The following TACC2 variants were observed in gnomAD, a reference collection of about 807,000 sequenced individuals.
The protein encoded by TACC2 is transforming acidic coiled-coil containing protein 2, also known as transforming acidic coiled-coil-containing protein 2.
In TACC2, 137 loss-of-function variants were observed where a neutral mutation model predicts 227.3. The observed-to-expected ratio is 0.60, with a 90% CI of 0.52 to 0.69. The LOEUF (loss-of-function observed/expected upper bound fraction) is 0.69. Among genes scored for constraint, TACC2 ranks in the 30% least tolerant of loss-of-function variants. TACC2 has a pLI of 0.00. For synonymous variants in TACC2, 1,523 were observed against 1,487.5 expected (o/e 1.02, Z -0.55); for missense variants, 3,470 against 3,694.4 (o/e 0.94, Z 1.57).
chr10:122,171,620 C>T (rs895612947), intron 7 of TACC2, among the ~76,000 whole-genome samples: 7 of 152,186 alleles, frequency 4.6e-5, no homozygotes, highest in East Asian at 3.8e-4. Flanking sequence ...TAGGCCTTTC[C>T]GGCTAGTCAT....
At chr10:122,114,318 C>T (rs533741396) in intron 5 of TACC2, among the ~76,000 whole-genome samples, 272 of 152,294 alleles carry the variant, frequency 1.8e-3, no homozygotes, top group African/African-American at 6.4e-3. Context: ...CTGGAAATGA[C>T]TTTTTTTCCG....
chr10:122,060,986 C>G (rs1228195131), intron 3 of TACC2, among the ~76,000 whole-genome samples: 1 of 108,690 alleles, frequency 9.2e-6, no homozygotes, highest in Non-Finnish European at 1.7e-5. Flanking sequence ...GCCTGGGCAA[C>G]AGAGACTCCA....
chr10:121,992,965 A>G (rs1203682373), intron 1 of TACC2, among the ~76,000 whole-genome samples: 4 of 152,102 alleles, frequency 2.6e-5, no homozygotes, highest in Admixed American at 6.6e-5. Flanking sequence ...AAAAAAAAAA[A>G]AAAGAAAGAA....
chr10:122,172,407 G>A lies in TACC2; in HGVS notation c.5835-22633G>A, dbSNP rs114462195. On this transcript the variant is annotated intron_variant, in intron 7 of 22. Transcript: ENST00000369005. ...ACCACCCTTCCTGGGGCTCAGATCT[G>A]GGTCTCTGTACTTGAGAAGCAGCCC... is the stretch of plus-strand genomic sequence containing the variant. Among the ~76,000 whole-genome samples the A allele has an allele frequency of 1.8e-3, 274 of 152,210 alleles. 1 individual carries two copies. Among genetic ancestry groups the A allele is most frequent in the African/African-American group, 6.0e-3 (250 of 41,536 alleles).
At chr10:122,207,630 GA>G (rs763136760) in intron 8 of TACC2, among the ~76,000 whole-genome samples, 1 of 152,208 alleles carries the variant, frequency 6.6e-6, no homozygotes, top group Non-Finnish European at 1.5e-5. Flanking sequence ...CCAAGGATAA[GA>G]AACCCTGCAG....
Position 122,087,977 on chromosome 10 carries a change from T to G in TACC2, c.5459+18T>G. On this transcript the variant is annotated intron_variant, in intron 4 of 22. Coordinates refer to ENST00000369005, the MANE Select transcript of TACC2 (RefSeq NM_206862.4). ...ACTGACAGGTACTTAAATGAAAAAA[T>G]TCCCACGGGAATGTGTGGTCAGTTT... 6.7e-7 allele frequency: 1 copy of G among 1,492,730 alleles called. No homozygotes were observed. The highest frequency in any genetic ancestry group is 8.9e-7 in the Non-Finnish European group (1 of 1,122,202). 92.5% of individuals were successfully genotyped at this position (1,492,730 alleles called of 1,614,324 possible). A position where few individuals can be genotyped will look rare whatever the true frequency, so the allele number is the denominator to read the frequency against.
intron 1 of TACC2, among the ~76,000 whole-genome samples, chr10:122,008,264 A>ATTATTATTATTATTTTTTTT: frequency 7.4e-6 from 1 of 134,654 alleles, no homozygotes; most frequent in African/African-American, 2.8e-5. Context: ...TATTATTATT[A>ATTATTATTATTATTTTTTTT]TTTTTTTTTT....
intron 7 of TACC2, among the ~76,000 whole-genome samples, chr10:122,169,648 T>C (rs35005303): frequency 3.8e-4 from 58 of 152,314 alleles, no homozygotes; most frequent in Non-Finnish European, 7.1e-4. Context: ...GCAATCTTTG[T>C]TTTCTGTTCT....
chr10:122,213,838 T>G (rs1251944466), intron 9 of TACC2, among the ~76,000 whole-genome samples: 1 of 152,244 alleles, frequency 6.6e-6, no homozygotes, highest in Non-Finnish European at 1.5e-5. Flanking sequence ...CAGAAATATT[T>G]GGGCCGTTCC....
intron 5 of TACC2, among the ~76,000 whole-genome samples, chr10:122,117,837 ACAAGAGAC>A (rs2084984134): frequency 6.6e-6 from 1 of 152,102 alleles, no homozygotes; most frequent in African/African-American, 2.4e-5. Context: ...TTCTAAATTG[ACAAGAGAC>A]AGTAAGCAGC....
intron 22 of TACC2, 101 bp downstream of exon 22, chr10:122,249,765 C>T (rs1473236221): frequency 3.6e-6 from 5 of 1,380,966 alleles, no homozygotes; most frequent in Non-Finnish European, 3.9e-6. Flanking sequence ...GCCACTGCTG[C>T]TCCTGAAGAC....
At chr10:122,200,378 CCA>C (rs1188496711) in intron 8 of TACC2, among the ~76,000 whole-genome samples, 1 of 152,146 alleles carries the variant, frequency 6.6e-6, no homozygotes, top group Non-Finnish European at 1.5e-5. Flanking sequence ...CCCACAGTGG[CCA>C]CATCTACAGT....
At position 122,237,437 on chromosome 10, in the gene TACC2, G is replaced by A. The variant is rs777816912; in HGVS notation, c.8170G>A (p.Ala2724Thr). The A allele has an allele frequency of 1.9e-6, 3 of 1,613,912 alleles. No individual in the cohort carries two copies. Among genetic ancestry groups the A allele is most frequent in the Admixed American group, 3.3e-5 (2 of 60,012 alleles). ...AACAGACGTCTCCATCTCCAAAACA[G>A]CCTTGTACTCCCGCATCGGGACCGC... ...HPTDVSISKT[A>T]LYSRIGTAEV... is the part of the protein sequence containing the mutation. Residue 2724 changes from alanine (A) to threonine (T), a missense_variant, in exon 17 of 23, where the codon GCC becomes ACC. This residue lies in a region of TACC2 where 345 missense variants were observed against 354.4 expected (regional missense o/e 0.97). Coordinates refer to ENST00000369005, the MANE Select transcript of TACC2 (RefSeq NM_206862.4).
In TACC2 at chr10:122,085,151, A is replaced by T. The variant is rs1037615068; in HGVS notation, c.2651A>T (p.Asp884Val). 1 of 1,614,180 alleles carries T rather than the reference A, an allele frequency of 6.2e-7. No homozygotes were observed. The highest frequency in any genetic ancestry group is 1.7e-5 in the Admixed American group (1 of 60,030). The change falls in exon 4 of 23, where the codon GAT becomes GTT. Residue 884 changes from aspartate (D) to valine (V), a missense_variant. Physicochemically the swap from Asp to Val is radical, Grantham distance 152. Around this residue, in one of 10 missense-constraint regions of TACC2, gnomAD observed 1,924 missense variants for 1,978.3 expected, o/e 0.97. Transcript: ENST00000369005. ...CATGTACCTGTGGAACCTCAGGAAG[A>T]TAACAACTTGCCCACTCATGGAGGA... ...QIHVPVEPQE[D>V]NNLPTHGGQE... is the part of the protein sequence containing the mutation.
intron 7 of TACC2, among the ~76,000 whole-genome samples, chr10:122,166,236 C>T (rs1050921179): frequency 1.3e-5 from 2 of 152,050 alleles, no homozygotes; most frequent in Non-Finnish European, 1.5e-5. Context: ...TTAAGGAGGG[C>T]CATGGTGTAA....
intron 5 of TACC2, chr10:122,113,264 G>A (rs1469805669): frequency 1.3e-5 from 2 of 152,330 alleles, no homozygotes; most frequent in South Asian, 4.1e-4. Flanking sequence ...CGGGCGGCCG[G>A]GGTCAGAAGA....
chr10:122,246,929 A>T (rs1400892240), intron 19 of TACC2: 3 of 152,248 alleles, frequency 2.0e-5, no homozygotes, highest in Non-Finnish European at 4.4e-5. Context: ...CATTTCCAGT[A>T]CCTCTGGGGA....
At position 122,085,859 on chromosome 10, in the gene TACC2, C is replaced by T; in HGVS notation, c.3359C>T (p.Ala1120Val). Residue 1120 changes from alanine to valine, a missense_variant, in exon 4 of 23, where the codon GCT becomes GTT. Physicochemically the swap from Ala to Val is moderately conservative, Grantham distance 64. Around this residue, in one of 10 missense-constraint regions of TACC2, gnomAD observed 1,924 missense variants for 1,978.3 expected, o/e 0.97. Transcript: ENST00000369005. ...SPKLLASFPS[A>V]GEQGGEAGAA... ...AAGCTTCTTGCAAGTTTCCCATCAG[C>T]TGGGGAGCAAGGTGGTGAAGCCGGG... The T allele has an allele frequency of 6.2e-7, 1 of 1,613,226 alleles. No homozygotes were observed. The highest frequency in any genetic ancestry group is 1.1e-5 in the South Asian group (1 of 90,962).
chr10:122,211,036 C>A lies in TACC2; in HGVS notation c.6611C>A (p.Pro2204His). 6.2e-7 allele frequency: 1 copy of A among 1,612,548 alleles called. No homozygotes were observed. The highest frequency in any genetic ancestry group is 8.5e-7 in the Non-Finnish European group (1 of 1,179,336). Reference protein sequence around the residue: ...EPAVGPKAACPLDSESAEGVV... With the variant: ...EPAVGPKAACHLDSESAEGVV... Reference sequence around the variant, plus strand: ...GCTGTGGGGCCCAAAGCTGCCTGCCCTCTGGACTCAGAGAGTGCAGAAGGG... The same window carrying A: ...GCTGTGGGGCCCAAAGCTGCCTGCCATCTGGACTCAGAGAGTGCAGAAGGG... Residue 2204 changes from proline (P) to histidine (H), a missense_variant, in exon 9 of 23, where the codon CCT (proline) becomes CAT (histidine). Pro to His is a moderately conservative substitution (Grantham distance 77, BLOSUM62 -2). Transcript: ENST00000369005.
Sources: gnomAD v4.1 joint callset for allele counts (sites outside exome capture counted in the v4.1 genomes callset) on GRCh38, gnomAD v4.1.1 for gene constraint, gnomAD v4.1.1 regional missense constraint, MANE v1.5 for transcripts, NCBI Gene and HGNC (gene_info 2026-07-23, HGNC 2026-07-21) for gene names.